Variants in NKAIN3 observed in about 807,000 individuals in gnomAD.
NKAIN3 encodes the protein sodium/potassium-transporting ATPase subunit beta-1-interacting protein 3.
A neutral mutation model predicts 30.2 loss-of-function variants in NKAIN3; 25 were observed. That is an observed-to-expected ratio of 0.83 (90% CI 0.60 to 1.16). The LOEUF is 1.16. NKAIN3 is among the 50% of genes most tolerant of loss of function. The pLI is 0.00. For missense variants in NKAIN3, 225 were observed against 254.1 expected (o/e 0.89, Z 0.78); for synonymous variants, 91 against 89.6 (o/e 1.02, Z -0.09).
chr8:62,691,787 A>G (rs996514299), intron 3 of NKAIN3, among the ~76,000 whole-genome samples: 2 of 152,208 alleles, frequency 1.3e-5, no homozygotes, highest in Non-Finnish European at 2.9e-5. Context: ...GAGCTGGCAC[A>G]TTGTGTCAGT....
At chr8:62,853,466 T>A (rs1819971691) in intron 4 of NKAIN3, among the ~76,000 whole-genome samples, 1 of 152,202 alleles carries the variant, frequency 6.6e-6, no homozygotes, top group Admixed American at 6.5e-5. Context: ...TGTATCCATT[T>A]CTTCTAGATT....
chr8:62,301,154 A>G (rs1489428043), intron 1 of NKAIN3, among the ~76,000 whole-genome samples: 1 of 152,112 alleles, frequency 6.6e-6, no homozygotes, highest in Non-Finnish European at 1.5e-5. Flanking sequence ...TCAAATTCAA[A>G]GAGGAAATTC....
intron 3 of NKAIN3, among the ~76,000 whole-genome samples, chr8:62,657,566 G>C (rs1812797191): frequency 6.6e-6 from 1 of 152,048 alleles, no homozygotes; most frequent in Admixed American, 6.6e-5. Flanking sequence ...AAAACTTTGT[G>C]GTTTACATAT....
chr8:62,635,664 A>C (rs1389244513), intron 3 of NKAIN3, among the ~76,000 whole-genome samples: 1 of 152,084 alleles, frequency 6.6e-6, no homozygotes, highest in Non-Finnish European at 1.5e-5. Flanking sequence ...CTGTCATGTG[A>C]AGATAGAGTG....
At chr8:62,777,309 A>T (rs953542152) in intron 4 of NKAIN3, among the ~76,000 whole-genome samples, 36 of 151,858 alleles carry the variant, frequency 2.4e-4, no homozygotes, top group African/African-American at 8.5e-4. Context: ...GTCTACCTCC[A>T]CTTTACAGGT....
intron 1 of NKAIN3, among the ~76,000 whole-genome samples, chr8:62,480,104 ACTT>A (rs757317889): frequency 9.5e-4 from 145 of 152,326 alleles, no homozygotes; most frequent in Non-Finnish European, 1.8e-3. Flanking sequence ...GGAATTCAGT[ACTT>A]CTTCATCTTA....
chr8:62,267,991 A>T (rs1812659599), intron 1 of NKAIN3, among the ~76,000 whole-genome samples: 1 of 152,222 alleles, frequency 6.6e-6, no homozygotes, highest in Admixed American at 6.5e-5. Flanking sequence ...ATTTTAAAAA[A>T]TCTAATTTCT....
chr8:62,920,872 A>G (rs1822256099), intron 5 of NKAIN3, among the ~76,000 whole-genome samples: 1 of 152,210 alleles, frequency 6.6e-6, no homozygotes, highest in Non-Finnish European at 1.5e-5. Context: ...TGGAAGAGAG[A>G]TGATAATGGA....
chr8:62,276,446 C>A (rs1192859373), intron 1 of NKAIN3, among the ~76,000 whole-genome samples: 1 of 152,128 alleles, frequency 6.6e-6, no homozygotes, highest in East Asian at 1.9e-4. Flanking sequence ...GATGGCAGCA[C>A]TGGATATAAG....
chr8:62,953,043 T>C (rs1378730387), intron 5 of NKAIN3, among the ~76,000 whole-genome samples: 1 of 152,150 alleles, frequency 6.6e-6, no homozygotes, highest in African/African-American at 2.4e-5. Context: ...TGCTACTCTG[T>C]ATGGAGGCAA....
chr8:62,712,006 C>G (rs1814738031), intron 3 of NKAIN3, among the ~76,000 whole-genome samples: 1 of 152,188 alleles, frequency 6.6e-6, no homozygotes, highest in South Asian at 2.1e-4. Context: ...ATTGTTGTCT[C>G]TCTTCTGGGC....
chr8:62,387,847 C>T (rs979929169), intron 1 of NKAIN3, among the ~76,000 whole-genome samples: 3 of 152,140 alleles, frequency 2.0e-5, no homozygotes, highest in African/African-American at 4.8e-5. Context: ...TAATTTTCAA[C>T]GTGCTTTTCT....
At chr8:62,584,938 T>G (rs1359343780) in intron 2 of NKAIN3, among the ~76,000 whole-genome samples, 1 of 152,260 alleles carries the variant, frequency 6.6e-6, no homozygotes, top group African/African-American at 2.4e-5. Context: ...AGCCTATTCC[T>G]GTGTTCTAGG....
chr8:62,780,839 T>G (rs1386537263), intron 4 of NKAIN3, among the ~76,000 whole-genome samples: 1 of 151,946 alleles, frequency 6.6e-6, no homozygotes, highest in African/African-American at 2.4e-5. Flanking sequence ...ATATACTGAA[T>G]GGAAAAAAGT....
intron 4 of NKAIN3, among the ~76,000 whole-genome samples, chr8:62,755,928 T>C (rs1007691130): frequency 6.6e-6 from 1 of 152,140 alleles, no homozygotes; most frequent in African/African-American, 2.4e-5. Flanking sequence ...GCAGAAACAT[T>C]TGTGTTCAGA....
At chr8:62,709,075 C>G (rs1405032282) in intron 3 of NKAIN3, among the ~76,000 whole-genome samples, 1 of 152,122 alleles carries the variant, frequency 6.6e-6, no homozygotes. Context: ...GTGAAACCCA[C>G]TTGATCATGG....
intron 4 of NKAIN3, among the ~76,000 whole-genome samples, chr8:62,831,171 C>A (rs2130745254): frequency 6.6e-6 from 1 of 152,132 alleles, no homozygotes; most frequent in African/African-American, 2.4e-5. Context: ...AGACCCTACC[C>A]CAGCATTCTC....
At chr8:62,805,234 A>T (rs1167046718) in intron 4 of NKAIN3, among the ~76,000 whole-genome samples, 1 of 151,846 alleles carries the variant, frequency 6.6e-6, no homozygotes, top group Non-Finnish European at 1.5e-5. Flanking sequence ...GCCCAAGGTA[A>T]TTTAGAGATT....
intron 1 of NKAIN3, among the ~76,000 whole-genome samples, chr8:62,295,586 G>C (rs1813799568): frequency 1.3e-5 from 2 of 152,084 alleles, no homozygotes; most frequent in Non-Finnish European, 2.9e-5. Context: ...TATATATGTA[G>C]TATAGCGGTT....
Sources: allele counts gnomAD v4.1 joint callset (sites outside exome capture counted in the v4.1 genomes callset), GRCh38; gene constraint gnomAD v4.1.1; transcripts MANE v1.5; gene names NCBI Gene and HGNC (gene_info 2026-07-23, HGNC 2026-07-21).